FIGN: variants seen among roughly 807,000 people sequenced by gnomAD.
FIGN encodes fidgetin.
Under a neutral mutation model 51.3 loss-of-function variants are expected in FIGN, and 11 were observed. That is an observed-to-expected ratio of 0.21 (90% CI 0.13 to 0.35). The LOEUF is 0.35. FIGN is among the 10% of genes least tolerant of loss of function. The pLI is 1.00. For synonymous variants in FIGN, 407 were observed against 363.2 expected, an observed-to-expected ratio of 1.12 and a Z score of -1.37; for missense variants, 857 against 943.6, an observed-to-expected ratio of 0.91 and a Z score of 1.20.
rs66956230 is a variant in FIGN, at chr2:163,634,089, CGTGTGTGT to C, written c.26-22291_26-22284del. Among the ~76,000 whole-genome samples the C allele has an allele frequency of 1.3e-3, 182 of 145,490 alleles. 2 individuals carry two copies. In the Middle Eastern group the frequency reaches 0.014, roughly 12 times the overall value. ...CAATTCTTTTCTGTACGTATGTATGCGTGTGTGTGTGTGTGTGTGTGTGTGTGTGTGTG... is the reference window on the plus strand; with the variant it reads ...CAATTCTTTTCTGTACGTATGTATGCGTGTGTGTGTGTGTGTGTGTGTGTG... On this transcript the variant is annotated intron_variant, in intron 2 of 2. Transcript: ENST00000333129.
In FIGN at chr2:163,624,930, T is replaced by C. The variant is rs535130188; in HGVS notation, c.26-13124A>G. 3.1e-3 allele frequency among the ~76,000 whole-genome samples: 471 copies of C among 152,054 alleles called. 2 individuals are homozygous for C. The highest frequency in any genetic ancestry group is 5.0e-3 in the Non-Finnish European group (342 of 67,904). ...CTGAATAGATTTTCACATTTAGTAG[T>C]GTCATAATTAAGCTCCATGAATTGG... On this transcript the variant is annotated intron_variant, in intron 2 of 2. Coordinates refer to ENST00000333129, the MANE Select transcript of FIGN (RefSeq NM_018086.4).
intron 2 of FIGN, among the ~76,000 whole-genome samples, chr2:163,641,203 C>A (rs1314199664): frequency 1.3e-5 from 2 of 152,142 alleles, no homozygotes; most frequent in African/African-American, 2.4e-5. Flanking sequence ...TAATGAAGAG[C>A]TTTCTTGCTG....
At chr2:163,673,700 T>A (rs1032180752) in intron 2 of FIGN, among the ~76,000 whole-genome samples, 2 of 152,116 alleles carry the variant, frequency 1.3e-5, no homozygotes, top group South Asian at 4.1e-4. Context: ...GGACGGGGTC[T>A]GTTTTGTTCT....
At chr2:163,724,185 G>A (rs773125929) in intron 2 of FIGN, among the ~76,000 whole-genome samples, 2 of 152,180 alleles carry the variant, frequency 1.3e-5, no homozygotes, top group Non-Finnish European at 2.9e-5. Flanking sequence ...ATCTTCGACT[G>A]TGGGCTTCTG....
At chr2:163,695,805 T>C (rs1684309347) in intron 2 of FIGN, among the ~76,000 whole-genome samples, 2 of 152,130 alleles carry the variant, frequency 1.3e-5, no homozygotes, top group African/African-American at 4.8e-5. Context: ...TAGCACATCT[T>C]GGATTCTTAA....
intron 2 of FIGN, among the ~76,000 whole-genome samples, chr2:163,633,473 G>A (rs944638613): frequency 2.6e-5 from 4 of 152,116 alleles, no homozygotes; most frequent in African/African-American, 4.8e-5. Flanking sequence ...GCCAGGATTC[G>A]AAACCAGGCA....
intron 2 of FIGN, among the ~76,000 whole-genome samples, chr2:163,641,097 C>T (rs781138736): frequency 2.6e-5 from 4 of 152,080 alleles, no homozygotes; most frequent in Non-Finnish European, 4.4e-5. Context: ...GAGGGCTTCC[C>T]GATACTTGGG....
chr2:163,681,785 G>A (rs532095128), intron 2 of FIGN, among the ~76,000 whole-genome samples: 5 of 152,260 alleles, frequency 3.3e-5, no homozygotes, highest in African/African-American at 1.2e-4. Flanking sequence ...GAAAACGATG[G>A]AATCGCTTTT....
intron 2 of FIGN, among the ~76,000 whole-genome samples, chr2:163,669,956 C>T (rs1010900174): frequency 1.3e-5 from 2 of 152,006 alleles, no homozygotes; most frequent in African/African-American, 4.8e-5. Flanking sequence ...GCATTGATGC[C>T]CACTCTTCCA....
intron 2 of FIGN, among the ~76,000 whole-genome samples, chr2:163,674,729 A>G (rs1034900973): frequency 6.6e-6 from 1 of 152,226 alleles, no homozygotes; most frequent in Non-Finnish European, 1.5e-5. Context: ...TTTGAAAATA[A>G]TAATGCAGTT....
chr2:163,676,762 T>C (rs1213540432), intron 2 of FIGN, among the ~76,000 whole-genome samples: 2 of 152,006 alleles, frequency 1.3e-5, no homozygotes, highest in African/African-American at 4.8e-5. Context: ...GCCTGAAACA[T>C]ATCTGAACAG....
chr2:163,702,965 G>A (rs958952756), intron 2 of FIGN, among the ~76,000 whole-genome samples: 4 of 151,006 alleles, frequency 2.6e-5, no homozygotes, highest in Admixed American at 1.3e-4. Flanking sequence ...CTAAAAGCTC[G>A]GCATAATTAT....
At chr2:163,636,671 A>G (rs186172193) in intron 2 of FIGN, among the ~76,000 whole-genome samples, 1 of 152,198 alleles carries the variant, frequency 6.6e-6, no homozygotes, top group African/African-American at 2.4e-5. Flanking sequence ...GGTAATAGAA[A>G]TTGATGGTAA....
intron 2 of FIGN, among the ~76,000 whole-genome samples, chr2:163,692,080 A>G (rs987051750): frequency 6.6e-6 from 1 of 152,224 alleles, no homozygotes; most frequent in African/African-American, 2.4e-5. Context: ...CAAAAATAAA[A>G]TGTTCCATTT....
rs532069502 is a variant in FIGN, at chr2:163,706,491, T to A, written c.25+28412A>T. Among the ~76,000 whole-genome samples, 136 of 152,272 alleles carry A rather than the reference T, an allele frequency of 8.9e-4. 1 individual carries two copies. The highest frequency in any genetic ancestry group is 3.2e-3 in the African/African-American group (134 of 41,568). ...TTCTTCTTACTGGGAATTTTAATAA[T>A]ATTAATATATCATAAAATAAACCTA... On this transcript the variant is annotated intron_variant, in intron 2 of 2. Transcript: ENST00000333129.
intron 2 of FIGN, 22 bp downstream of exon 2, chr2:163,734,881 G>A: frequency 6.3e-7 from 1 of 1,599,346 alleles, no homozygotes; most frequent in South Asian, 1.1e-5. Flanking sequence ...TGCAAAGGAA[G>A]TAAATTCCAA....
At chr2:163,719,913 G>A (rs1017908371) in intron 2 of FIGN, among the ~76,000 whole-genome samples, 1 of 152,066 alleles carries the variant, frequency 6.6e-6, no homozygotes, top group Non-Finnish European at 1.5e-5. Context: ...GTTTTTAAGT[G>A]ATCAAAGTTT....
At chr2:163,678,526 G>A (rs1171024189) in intron 2 of FIGN, among the ~76,000 whole-genome samples, 2 of 152,036 alleles carry the variant, frequency 1.3e-5, no homozygotes, top group African/African-American at 4.8e-5. Context: ...TGACCAACAT[G>A]TCATCTTAAG....
At chr2:163,640,095 C>T (rs940583765) in intron 2 of FIGN, among the ~76,000 whole-genome samples, 5 of 152,118 alleles carry the variant, frequency 3.3e-5, no homozygotes, top group African/African-American at 1.2e-4. Flanking sequence ...CAAGAAGTAT[C>T]ATATTACCTT....
Sources: gnomAD v4.1 joint callset for allele counts (sites outside exome capture counted in the v4.1 genomes callset) on GRCh38, gnomAD v4.1.1 for gene constraint, MANE v1.5 for transcripts, NCBI Gene and HGNC (gene_info 2026-07-23, HGNC 2026-07-21) for gene names.